The following GIT2 variants were observed in gnomAD, a reference collection of about 807,000 sequenced individuals.
GIT2 encodes the protein ARF GTPase-activating protein GIT2.
In GIT2, 32 loss-of-function variants were observed where a neutral mutation model predicts 100.3. The ratio of observed to expected loss-of-function variants is 0.32; its 90% CI spans 0.24 to 0.43. The LOEUF (loss-of-function observed/expected upper bound fraction) is 0.43, where lower values mean the gene tolerates loss of function less well. Ranked by LOEUF, GIT2 falls within the 20% of genes least tolerant of loss-of-function variation. GIT2 has a pLI of 1.00. For missense variants in GIT2, 737 were observed against 975.1 expected (o/e 0.76, Z 3.25); for synonymous variants, 353 against 364.1 (o/e 0.97, Z 0.35).
chr12:109,956,504 T>A (rs980418454), intron 12 of GIT2, among the ~76,000 whole-genome samples: 1 of 152,184 alleles, frequency 6.6e-6, no homozygotes, highest in Non-Finnish European at 1.5e-5. Context: ...GTGACTCAAT[T>A]TTTTTCTCTG....
intron 1 of GIT2, among the ~76,000 whole-genome samples, chr12:109,994,224 A>C (rs2137013503): frequency 6.6e-6 from 1 of 152,358 alleles, no homozygotes; most frequent in East Asian, 1.9e-4. Context: ...ATCCTGGATC[A>C]GAATCCCATG....
At chr12:109,999,498 T>G (rs1438378325), upstream of GIT2, 1 of 300,082 alleles carries the variant, frequency 3.3e-6, no homozygotes, top group Non-Finnish European at 6.0e-6. The surrounding 1 kb of genome is among the most constrained non-coding windows in gnomAD (Gnocchi z 4.3). Flanking sequence ...GCGGCCGACC[T>G]GGTCCCTGAG....
chr12:109,997,427 A>G (rs1889602088), upstream of GIT2: 1 of 152,094 alleles, frequency 6.6e-6, no homozygotes, highest in Admixed American at 6.6e-5. Context: ...AATATATTAG[A>G]TGATTCCTTA....
intron 4 of GIT2, among the ~76,000 whole-genome samples, chr12:109,986,838 T>C (rs771254950): frequency 6.6e-6 from 1 of 151,676 alleles, no homozygotes; most frequent in Non-Finnish European, 1.5e-5. Flanking sequence ...GTGCCTGTAA[T>C]CCCAGCTACT....
At chr12:109,967,771 A>C (rs1419616073) in intron 7 of GIT2, among the ~76,000 whole-genome samples, 1 of 152,192 alleles carries the variant, frequency 6.6e-6, no homozygotes, top group Non-Finnish European at 1.5e-5. Flanking sequence ...CCTCAGTGTA[A>C]CTGACGATCT....
At chr12:109,944,196 A>T (rs915146911) in intron 16 of GIT2, among the ~76,000 whole-genome samples, 1 of 152,214 alleles carries the variant, frequency 6.6e-6, no homozygotes, top group African/African-American at 2.4e-5. Flanking sequence ...ATAAAAAATA[A>T]AAAAACGAAT....
intron 6 of GIT2, 25 bp from the exon 7 acceptor site, chr12:109,981,071 T>C (rs771236970): frequency 7.0e-7 from 1 of 1,435,436 alleles, no homozygotes; most frequent in Non-Finnish European, 9.8e-7. Flanking sequence ...CAAAGTACCA[T>C]TTATATTGCT....
At chr12:109,954,789 C>T (rs541650387) in intron 12 of GIT2, among the ~76,000 whole-genome samples, 2 of 151,646 alleles carry the variant, frequency 1.3e-5, no homozygotes, top group African/African-American at 2.4e-5. Context: ...ATCCCAGCTA[C>T]TTGGGAGGCT....
At position 109,990,578 on chromosome 12, in the gene GIT2, G is replaced by C. The variant is rs959578659; in HGVS notation, c.187-776C>G. ...TCACATCAGAGATACAAACCCACTT[G>C]TTTTGGCTCCTTGGTTCACACAGCC... On this transcript the variant is annotated intron_variant, in intron 2 of 19. Transcript: ENST00000355312. Among the ~76,000 whole-genome samples the C allele has an allele frequency of 1.7e-4, 26 of 152,216 alleles. 1 individual carries two copies. The highest frequency in any genetic ancestry group is 8.5e-4 in the Admixed American group (13 of 15,278).
At chr12:109,969,329 G>A (rs1883283936) in intron 7 of GIT2, among the ~76,000 whole-genome samples, 1 of 151,754 alleles carries the variant, frequency 6.6e-6, no homozygotes, top group South Asian at 2.1e-4. Flanking sequence ...CACCATGCCT[G>A]GCTAACTTTT....
chr12:109,938,878 A>C lies in GIT2; in HGVS notation c.1814+287T>G, dbSNP rs535030713. ...GCCAACTCCTTGGGTACAAATGCAG[A>C]ATGTAACCTAATGTTGTCTTCATGA... On this transcript the variant is annotated intron_variant, in intron 17 of 19. Transcript: ENST00000355312. The C allele has an allele frequency of 4.7e-5, 23 of 488,432 alleles. 1 individual carries two copies. Among genetic ancestry groups the C allele is most frequent in the South Asian group, 3.0e-4 (10 of 33,754 alleles). The allele number at this position is 488,432 out of a possible 1,614,324, so 30.3% of individuals were successfully genotyped here. A position where few individuals can be genotyped will look rare whatever the true frequency, so the allele number is the denominator to read the frequency against.
chr12:109,943,638 C>CT (rs1339547555), intron 16 of GIT2, among the ~76,000 whole-genome samples: 1 of 150,280 alleles, frequency 6.7e-6, no homozygotes, highest in Non-Finnish European at 1.5e-5. Context: ...CCAGCCGAGA[C>CT]TTTAAGTACA....
chr12:109,992,071 CTAA>C (rs1289813487), intron 1 of GIT2: 1 of 231,874 alleles, frequency 4.3e-6, no homozygotes, highest in Non-Finnish European at 8.2e-6. Flanking sequence ...TTCATTCAAG[CTAA>C]GAAAGCAAAT....
intron 7 of GIT2, among the ~76,000 whole-genome samples, chr12:109,978,076 G>GTTTTTTT (rs111855474): frequency 1.4e-4 from 13 of 93,498 alleles, no homozygotes; most frequent in South Asian, 3.9e-4. Flanking sequence ...AAATTTAGAG[G>GTTTTTTT]TTTTTTTTTT....
At chr12:109,999,426 C>A (rs1454442086), upstream of GIT2, 4 of 204,752 alleles carry the variant, frequency 2.0e-5, no homozygotes, top group Admixed American at 5.9e-5. The surrounding 1 kb of genome is among the most constrained non-coding windows in gnomAD (Gnocchi z 4.3). Flanking sequence ...GCAGTTAGGT[C>A]CGCAGAAGTC....
intron 2 of GIT2, among the ~76,000 whole-genome samples, chr12:109,990,685 C>T (rs906573709): frequency 6.6e-6 from 1 of 152,172 alleles, no homozygotes; most frequent in African/African-American, 2.4e-5. Context: ...CACACTTAAC[C>T]TTGAGTTCCA....
chr12:109,964,556 A>G (rs1459195942), intron 9 of GIT2, among the ~76,000 whole-genome samples: 1 of 150,642 alleles, frequency 6.6e-6, no homozygotes, highest in East Asian at 2.0e-4. Flanking sequence ...GCTGTAGGCA[A>G]AGCAGGATTC....
At chr12:109,955,250 A>T (rs1184016308) in intron 12 of GIT2, among the ~76,000 whole-genome samples, 1 of 152,054 alleles carries the variant, frequency 6.6e-6, no homozygotes, top group Non-Finnish European at 1.5e-5. Flanking sequence ...CAGCCTCCTG[A>T]GTAGCTAAGA....
chr12:109,951,211 C>T lies in GIT2; in HGVS notation c.1348G>A (p.Val450Met). Residue 450 changes from valine (V) to methionine (M), a missense_variant, in exon 14 of 20, where the codon GTG becomes ATG. Val to Met is a conservative substitution (Grantham distance 21). Around this residue, in one of 3 missense-constraint regions of GIT2, gnomAD observed 451 missense variants for 543.7 expected, o/e 0.83. Transcript: ENST00000355312. ...AGCTCGTCACTCAAGTTGTTATTCA[C>T]CTTCATTAGCTGCTGTATCTTGGCC... ...SEAKIQQLMK[V>M]NNNLSDELRI... 1.2e-6 allele frequency: 2 copies of T among 1,613,618 alleles called. No homozygotes were observed. The highest frequency in any genetic ancestry group is 1.1e-5 in the South Asian group (1 of 91,064).
Sources: allele counts gnomAD v4.1 joint callset (sites outside exome capture counted in the v4.1 genomes callset), GRCh38; gene constraint gnomAD v4.1.1; regional missense constraint gnomAD v4.1.1; non-coding constraint Gnocchi (gnomAD v3.1); transcripts MANE v1.5; gene names NCBI Gene and HGNC (gene_info 2026-07-23, HGNC 2026-07-21).